Variants in INSC observed in about 807,000 individuals in gnomAD.
The protein encoded by INSC is INSC spindle orientation adaptor protein.
INSC carries 67 observed loss-of-function variants against 58.6 expected under a neutral mutation model. The observed-to-expected ratio is 1.14, with a 90% confidence interval of 0.94 to 1.40. INSC has a LOEUF of 1.40. Among genes scored for constraint, INSC ranks in the 40% most tolerant of loss-of-function variants. The pLI is 0.00. For missense variants in INSC, 714 were observed against 692.0 expected (o/e 1.03, Z -0.36); for synonymous variants, 262 against 276.1 (o/e 0.95, Z 0.51).
At chr11:15,132,673 C>T (rs1360857855) in intron 1 of INSC, among the ~76,000 whole-genome samples, 1 of 152,182 alleles carries the variant, frequency 6.6e-6, no homozygotes, top group Non-Finnish European at 1.5e-5. Context: ...TATCTCAAAC[C>T]TTCCATATGA....
chr11:15,147,998 G>A (rs1427880068), intron 1 of INSC, among the ~76,000 whole-genome samples: 2 of 152,222 alleles, frequency 1.3e-5, no homozygotes, highest in African/African-American at 4.8e-5. Context: ...GCTTGGGGGA[G>A]TTGGCAGAGA....
intron 7 of INSC, among the ~76,000 whole-genome samples, chr11:15,213,815 G>C (rs1324156123): frequency 6.6e-6 from 1 of 152,022 alleles, no homozygotes; most frequent in African/African-American, 2.4e-5. Context: ...AAAGATTCTT[G>C]TTTGACGTAG....
intron 1 of INSC, among the ~76,000 whole-genome samples, chr11:15,115,243 G>A (rs1847664021): frequency 6.6e-6 from 1 of 152,212 alleles, no homozygotes; most frequent in Admixed American, 6.5e-5. Context: ...GTCAGAGTGT[G>A]TGGTGGCCTG....
intron 6 of INSC, among the ~76,000 whole-genome samples, chr11:15,197,262 G>A (rs1172696033): frequency 6.6e-6 from 1 of 152,226 alleles, no homozygotes; most frequent in Non-Finnish European, 1.5e-5. Context: ...GGAGCAGACA[G>A]AGTGTTGAAG....
chr11:15,263,481 G>A, the INSC span, among the ~76,000 whole-genome samples: 1 of 152,088 alleles, frequency 6.6e-6, no homozygotes, highest in Non-Finnish European at 1.5e-5. Flanking sequence ...GTAGACAGAG[G>A]AAAAAAACCA....
chr11:15,184,449 G>A (rs1283563936), intron 5 of INSC: 1 of 182,942 alleles, frequency 5.5e-6, no homozygotes, highest in South Asian at 8.7e-5. Flanking sequence ...AGGCTGGAGT[G>A]CAGTGGTGCA....
chr11:15,152,528 T>C (rs1246700462), intron 2 of INSC, among the ~76,000 whole-genome samples: 1 of 152,216 alleles, frequency 6.6e-6, no homozygotes, highest in Non-Finnish European at 1.5e-5. Context: ...CCTTTAATCA[T>C]TATATGCATT....
chr11:15,200,153 TCACACACA>T (rs57120673), intron 6 of INSC, among the ~76,000 whole-genome samples: 1,707 of 146,916 alleles, frequency 0.012, 18 homozygotes, highest in African/African-American at 0.025. Flanking sequence ...AAGGGTTATA[TCACACACA>T]CACACACACA....
chr11:15,130,094 T>G (rs1229039116), intron 1 of INSC, among the ~76,000 whole-genome samples: 5 of 152,260 alleles, frequency 3.3e-5, no homozygotes, highest in Non-Finnish European at 7.3e-5. Flanking sequence ...TCTTTCTTTC[T>G]GTACTAGCTA....
At chr11:15,233,195 C>T (rs938087730) in intron 9 of INSC, among the ~76,000 whole-genome samples, 1 of 152,162 alleles carries the variant, frequency 6.6e-6, no homozygotes, top group Non-Finnish European at 1.5e-5. Context: ...TCTGGATTCA[C>T]CAAACAAATG....
Position 15,246,267 on chromosome 11 carries a change from T to C in INSC, c.*227T>C, listed in dbSNP as rs1367998434. ...TTTTTTGATTTCTGTAGCTTTTCAG[T>C]TGCAGATGTTGAAATTCGTAATGAC... On this transcript the variant is annotated 3_prime_UTR_variant, in exon 13 of 13. Coordinates refer to ENST00000379556, the MANE Select transcript of INSC (RefSeq NM_001042536.3). 1.3e-5 allele frequency: 5 copies of C among 375,754 alleles called. No individual in the cohort carries two copies. Among genetic ancestry groups the C allele is most frequent in the Middle Eastern group, 7.4e-4 (1 of 1,360 alleles). The allele number at this position is 375,754 out of a possible 1,614,324, so 23.3% of individuals were successfully genotyped here. A position where few individuals can be genotyped will look rare whatever the true frequency, so the allele number is the denominator to read the frequency against.
chr11:15,253,597 C>T, the INSC span, among the ~76,000 whole-genome samples: 1 of 149,330 alleles, frequency 6.7e-6, no homozygotes, highest in Non-Finnish European at 1.5e-5. Context: ...AAGTTGGACA[C>T]TGAATGGAAA....
intron 1 of INSC, among the ~76,000 whole-genome samples, chr11:15,128,689 A>G (rs925826663): frequency 6.6e-6 from 1 of 152,230 alleles, no homozygotes; most frequent in Admixed American, 6.5e-5. Flanking sequence ...CTGCCACCAC[A>G]TACCTGTACC....
At chr11:15,158,860 G>GTTTTTTTTTT (rs529518368) in intron 2 of INSC, among the ~76,000 whole-genome samples, 40 of 109,696 alleles carry the variant, frequency 3.6e-4, no homozygotes, top group African/African-American at 8.1e-4. Context: ...ATTGTTGGTG[G>GTTTTTTTTTT]TTTTTTTTTT....
At chr11:15,254,290 G>A in the INSC span, among the ~76,000 whole-genome samples, 535 of 152,304 alleles carry the variant, frequency 3.5e-3, 3 homozygotes, top group African/African-American at 0.012. Context: ...GCAGCTAGAT[G>A]TGGTGCTGGA....
chr11:15,125,923 C>T (rs1487781947), intron 1 of INSC, among the ~76,000 whole-genome samples: 1 of 152,056 alleles, frequency 6.6e-6, no homozygotes, highest in Admixed American at 6.5e-5. Context: ...TAAGCTGAGT[C>T]TTGACAGGTG....
At chr11:15,140,645 C>T (rs1330457901) in intron 1 of INSC, among the ~76,000 whole-genome samples, 4 of 149,944 alleles carry the variant, frequency 2.7e-5, no homozygotes, top group Non-Finnish European at 4.4e-5. Context: ...GTGGCATAAT[C>T]ATAGCTCACT....
chr11:15,235,320 C>T, intron 9 of INSC: 1 of 449,190 alleles, frequency 2.2e-6, no homozygotes. Context: ...CGGGCCCCAA[C>T]TTCACCCAGG....
intron 7 of INSC, among the ~76,000 whole-genome samples, chr11:15,213,597 G>GAA (rs1035998832): frequency 2.1e-4 from 32 of 152,238 alleles, no homozygotes; most frequent in African/African-American, 7.0e-4. Flanking sequence ...GCCTAACAGG[G>GAA]AAATTATTTA....
Sources: allele counts gnomAD v4.1 joint callset (sites outside exome capture counted in the v4.1 genomes callset), GRCh38; gene constraint gnomAD v4.1.1; transcripts MANE v1.5; gene names NCBI Gene and HGNC (gene_info 2026-07-23, HGNC 2026-07-21).